Variants in ABCA3 observed in about 807,000 individuals in gnomAD.
The protein encoded by ABCA3 is phospholipid-transporting ATPase ABCA3.
ABCA3 carries 88 observed loss-of-function variants against 172.8 expected under a neutral mutation model. That is an observed-to-expected ratio of 0.51 (90% CI 0.43 to 0.61). ABCA3 has a LOEUF of 0.61. ABCA3 is among the 20% of genes least tolerant of loss of function. The probability of loss-of-function intolerance (pLI) is 0.00; values close to 1 mark genes in which losing one functional copy is unlikely to be tolerated. For synonymous variants in ABCA3, 1,066 were observed against 983.8 expected (o/e 1.08, Z -1.56); for missense variants, 2,164 against 2,301.0 (o/e 0.94, Z 1.22).
chr16:2,319,661 G>C lies in ABCA3; in HGVS notation c.793C>G (p.Leu265Val), dbSNP rs767464078. Residue 265 changes from leucine (L) to valine (V), a missense_variant, in exon 8 of 33, where the codon CTG (leucine) becomes GTG (valine). This residue lies in a region of ABCA3 where 1,343 missense variants were observed against 1,369.6 expected (regional missense o/e 0.98). Transcript: ENST00000301732. ...TAGGTGAAGCTGAGCAGCAGCAGCAGGGGCAGCTGGTACTGGATGGCCACG... is the reference window on the plus strand; with the variant it reads ...TAGGTGAAGCTGAGCAGCAGCAGCACGGGCAGCTGGTACTGGATGGCCACG... Reference protein sequence around the residue: ...FLVAIQYQLPLLLLLSFTYTA... With the variant: ...FLVAIQYQLPVLLLLSFTYTA... The C allele has an allele frequency of 1.1e-5, 17 of 1,613,744 alleles. No individual in the cohort carries two copies. The highest frequency in any genetic ancestry group is 8.5e-7 in the Non-Finnish European group (1 of 1,180,014).
intron 7 of ABCA3, among the ~76,000 whole-genome samples, chr16:2,322,530 GC>G (rs1173283793): frequency 6.8e-5 from 3 of 44,374 alleles, no homozygotes; most frequent in African/African-American, 2.0e-4. Context: ...CCCTCCCCCC[GC>G]CCCCCCACCC....
At position 2,281,512 on chromosome 16, in the gene ABCA3, G is replaced by C; in HGVS notation, c.4036-3C>G. 1 of 1,453,742 alleles carries C rather than the reference G, an allele frequency of 6.9e-7. No individual in the cohort carries two copies. Among genetic ancestry groups the C allele is most frequent in the Non-Finnish European group, 9.3e-7 (1 of 1,077,754 alleles). 90.1% of individuals were successfully genotyped at this position (1,453,742 alleles called of 1,614,324 possible). A position where few individuals can be genotyped will look rare whatever the true frequency, so the allele number is the denominator to read the frequency against. ...GGCATCCGGGTGTATAATTCTGTCT[G>C]ATTGACCAGGACAAAGACCGCATGC... On this transcript the variant is annotated splice_polypyrimidine_tract_variant and splice_region_variant and intron_variant, in intron 26 of 32. Coordinates refer to ENST00000301732, the MANE Select transcript of ABCA3 (RefSeq NM_001089.3). The surrounding 1 kb of genome is among the most constrained non-coding windows in gnomAD (Gnocchi z 4.7).
At position 2,301,478 on chromosome 16, in the gene ABCA3, G is replaced by A. The variant is rs565200443; in HGVS notation, c.1468-1330C>T. Among the ~76,000 whole-genome samples, 12 of 152,164 alleles carry A rather than the reference G, an allele frequency of 7.9e-5. No homozygotes were observed. The East Asian group carries it at 1.6e-3, about 20-fold the overall frequency. Reference sequence around the variant, plus strand: ...TCCCAGCACTTTGGGAGGCCGAGGCGGGTGGATCACCTGAGGTCAGGAGTT... The same window carrying A: ...TCCCAGCACTTTGGGAGGCCGAGGCAGGTGGATCACCTGAGGTCAGGAGTT... On this transcript the variant is annotated intron_variant, in intron 12 of 32. Coordinates refer to ENST00000301732, the MANE Select transcript of ABCA3 (RefSeq NM_001089.3).
In ABCA3 at chr16:2,326,482, G is replaced by A. The variant is rs375400054; in HGVS notation, c.-16C>T. The A allele has an allele frequency of 1.7e-5, 27 of 1,605,814 alleles. No individual in the cohort carries two copies. In the African/African-American group the frequency reaches 2.7e-4, roughly 16 times the overall value. ...GCACAGCCATCGTCTTGCTGAAAGG[G>A]ACGCCCAGTGCTAGTTACAGACCAA... is the stretch of plus-strand genomic sequence containing the variant. On this transcript the variant is annotated 5_prime_UTR_variant, in exon 4 of 33. Transcript: ENST00000301732.
chr16:2,317,085 C>T (rs946934122), intron 10 of ABCA3, among the ~76,000 whole-genome samples, 198 bp downstream of exon 10: 2 of 152,228 alleles, frequency 1.3e-5, no homozygotes, highest in African/African-American at 2.4e-5. Context: ...GCCAGCCACA[C>T]ACCTGCCTTC....
chr16:2,288,186 C>G lies in ABCA3; in HGVS notation c.2844G>C (p.Ser948=). ...TLALLAINYS[S]ELFDDPMLRL... is the part of the protein sequence containing the mutation. The stretch of plus-strand genomic sequence containing the variant: ...TCAGCATGGGGTCGTCGAAGAGCTC[C>G]GAGGAGTAGTTGATGGCCAGGAGGG... The change falls in exon 21 of 33, where the codon TCG becomes TCC. Residue 948 remains serine, a synonymous_variant. Transcript: ENST00000301732. 1 of 1,604,804 alleles carries G rather than the reference C, an allele frequency of 6.2e-7. No individual in the cohort carries two copies. The highest frequency in any genetic ancestry group is 8.5e-7 in the Non-Finnish European group (1 of 1,175,568).
At chr16:2,330,653 T>C (rs1018784245) in intron 1 of ABCA3, among the ~76,000 whole-genome samples, 123 of 150,734 alleles carry the variant, frequency 8.2e-4, no homozygotes, top group Admixed American at 8.6e-4. Context: ...AGCACTCTGC[T>C]TCTACAACCT....
intron 17 of ABCA3, among the ~76,000 whole-genome samples, chr16:2,296,637 G>A (rs949058324): frequency 2.6e-5 from 4 of 152,240 alleles, no homozygotes; most frequent in African/African-American, 4.8e-5. Context: ...CTCAGAGGCC[G>A]TGGTGGATGG....
At chr16:2,303,935 G>C in intron 12 of ABCA3, 34 bp downstream of exon 12, 2 of 1,612,468 alleles carry the variant, frequency 1.2e-6, no homozygotes, top group Non-Finnish European at 1.7e-6. Flanking sequence ...CACTCAGAGA[G>C]GCGGCGGCTC....
In ABCA3 at chr16:2,323,356, G is replaced by A. The variant is rs184260155; in HGVS notation, c.613+167C>T. On this transcript the variant is annotated intron_variant, in intron 7 of 32. Coordinates refer to ENST00000301732, the MANE Select transcript of ABCA3 (RefSeq NM_001089.3). ...TGCTGCTATAAGGACACATGCACACGTATGTTTATTGCGGCACTATTCACA... is the reference window on the plus strand; with the variant it reads ...TGCTGCTATAAGGACACATGCACACATATGTTTATTGCGGCACTATTCACA... The A allele has an allele frequency of 0.018, 15,036 of 835,844 alleles. 186 individuals carry two copies. Among genetic ancestry groups the A allele is most frequent in the Non-Finnish European group, 0.023 (11,572 of 496,028 alleles). The allele number at this position is 835,844 out of a possible 1,614,324, so 51.8% of individuals were successfully genotyped here.
intron 17 of ABCA3, among the ~76,000 whole-genome samples, chr16:2,296,678 C>T (rs1233002674): frequency 6.6e-6 from 1 of 152,252 alleles, no homozygotes; most frequent in Non-Finnish European, 1.5e-5. Flanking sequence ...GCTGTCCTCC[C>T]TCTTGGTAAC....
intron 1 of ABCA3, chr16:2,332,816 CTT>C (rs1005728652): frequency 4.3e-4 from 202 of 474,680 alleles, no homozygotes; most frequent in Non-Finnish European, 4.4e-4. Flanking sequence ...CCTATGTGCC[CTT>C]TTTTTTTTTA....
rs2093738253 is a variant in ABCA3, at chr16:2,328,637, A to G, written c.-211T>C. 2.1e-6 allele frequency: 1 copy of G among 483,764 alleles called. No individual in the cohort carries two copies. The highest frequency in any genetic ancestry group is 2.0e-5 in the African/African-American group (1 of 51,030). 30.0% of individuals were successfully genotyped at this position (483,764 alleles called of 1,614,324 possible). A position where few individuals can be genotyped will look rare whatever the true frequency, so the allele number is the denominator to read the frequency against. ...TCTAGAGAGCCCCTGGTGCTGGTCC[A>G]CTCGCTACAACTGCAGGCAGAGAGG... On this transcript the variant is annotated 5_prime_UTR_variant, in exon 3 of 33. Coordinates refer to ENST00000301732, the MANE Select transcript of ABCA3 (RefSeq NM_001089.3).
chr16:2,290,102 G>A (rs2093669761), intron 19 of ABCA3, among the ~76,000 whole-genome samples: 1 of 151,986 alleles, frequency 6.6e-6, no homozygotes, highest in South Asian at 2.1e-4. Flanking sequence ...GGCCACACTT[G>A]GAGCCCGTGT....
intron 11 of ABCA3, among the ~76,000 whole-genome samples, chr16:2,305,966 C>A (rs1212206717): frequency 6.6e-6 from 1 of 152,096 alleles, no homozygotes; most frequent in African/African-American, 2.4e-5. Context: ...GTCCAAACAC[C>A]CTCTGTTTGG....
At position 2,302,358 on chromosome 16, in the gene ABCA3, T is replaced by A. The variant is rs148997685; in HGVS notation, c.1467+1611A>T. Among the ~76,000 whole-genome samples, 333 of 152,316 alleles carry A rather than the reference T, an allele frequency of 2.2e-3. 1 individual carries two copies. Among genetic ancestry groups the A allele is most frequent in the Non-Finnish European group, 2.9e-3 (195 of 68,034 alleles). The stretch of plus-strand genomic sequence containing the variant: ...AATATATTTATAAATATAACAACAT[T>A]CATCAATATGTTTAGATAATAGTTT... On this transcript the variant is annotated intron_variant, in intron 12 of 32. Transcript: ENST00000301732.
Position 2,300,113 on chromosome 16 carries a change from T to G in ABCA3, c.1503A>C (p.Ala501=). 2 of 1,613,508 alleles carry G rather than the reference T, an allele frequency of 1.2e-6. No homozygotes were observed. Among genetic ancestry groups the G allele is most frequent in the South Asian group, 1.1e-5 (1 of 91,018 alleles). The change falls in exon 13 of 33, where the codon GCA becomes GCC. Residue 501 remains alanine, a synonymous_variant. Coordinates refer to ENST00000301732, the MANE Select transcript of ABCA3 (RefSeq NM_001089.3). ...SYWCGKPRAV[A]GKEEEDSDPE... is the part of the protein sequence containing the mutation. The stretch of plus-strand genomic sequence containing the variant: ...GGTCACTGTCTTCTTCCTCCTTCCC[T>G]GCAACCGCCCTTGGCTTCCCACACC...
rs1031298827 is a variant in ABCA3, at chr16:2,313,269, C to T, written c.1111+4014G>A. Among the ~76,000 whole-genome samples, 5 of 151,884 alleles carry T rather than the reference C, an allele frequency of 3.3e-5. No individual in the cohort carries two copies. In the South Asian group the frequency reaches 8.3e-4, roughly 25 times the overall value. ...CATCTGGGTGTCACTATAAGACCAT[C>T]TGGGGCCAGGTGTGGTAGCTCACGC... On this transcript the variant is annotated intron_variant, in intron 10 of 32. Transcript: ENST00000301732.
intron 18 of ABCA3, among the ~76,000 whole-genome samples, chr16:2,294,728 A>G (rs763447721): frequency 2.6e-5 from 4 of 152,146 alleles, no homozygotes; most frequent in Non-Finnish European, 5.9e-5. Context: ...CATGCCTGAC[A>G]TCTTAGCACT....
Sources: gnomAD v4.1 joint callset for allele counts (sites outside exome capture counted in the v4.1 genomes callset) on GRCh38, gnomAD v4.1.1 for gene constraint, gnomAD v4.1.1 regional missense constraint, Gnocchi (gnomAD v3.1) non-coding constraint, MANE v1.5 for transcripts, NCBI Gene and HGNC (gene_info 2026-07-23, HGNC 2026-07-21) for gene names.